Variants in SLC25A14 observed in about 807,000 individuals in gnomAD.
The protein encoded by SLC25A14 is brain mitochondrial carrier protein 1.
In SLC25A14, 8 loss-of-function variants were observed where a neutral mutation model predicts 28.1. That is an observed-to-expected ratio of 0.28 (90% CI 0.17 to 0.51). The LOEUF (loss-of-function observed/expected upper bound fraction) is 0.51, where lower values mean the gene tolerates loss of function less well. Ranked by LOEUF, SLC25A14 falls within the 20% of genes least tolerant of loss-of-function variation. The pLI, the probability that SLC25A14 is intolerant of heterozygous loss-of-function variation, is 0.97. For missense variants in SLC25A14, 135 were observed against 263.8 expected (o/e 0.51, Z 3.38); for synonymous variants, 74 against 90.6 (o/e 0.82, Z 1.04).
At position 130,349,247 on chromosome X, in the gene SLC25A14, TCAGA is replaced by T; in HGVS notation, c.318-3_318del. 1 of 1,155,680 alleles carries T rather than the reference TCAGA, an allele frequency of 8.7e-7. No homozygotes were observed. Among genetic ancestry groups the T allele is most frequent in the Admixed American group, 2.4e-5 (1 of 41,398 alleles). ...GAATAACTTTTTACTTTTTTTTTTT[TCAGA>T]ATTGCTCCTGCGTTGCTAAGACAAG... is the stretch of plus-strand genomic sequence containing the variant. On this transcript the variant is annotated splice_acceptor_variant and splice_polypyrimidine_tract_variant and coding_sequence_variant and intron_variant, in exon 5 of 11. Coordinates refer to ENST00000545805, the MANE Select transcript of SLC25A14 (RefSeq NM_001282195.2). LOFTEE classifies it high-confidence loss of function.
At chrX:130,345,872 C>G (rs1483503009) in intron 3 of SLC25A14, among the ~76,000 whole-genome samples, 2 of 110,889 alleles carry the variant, frequency 1.8e-5, no homozygotes, top group Non-Finnish European at 3.8e-5. Flanking sequence ...TAGTTTTACA[C>G]CCTGAAATAT....
At chrX:130,354,411 C>T (rs370737153) in intron 6 of SLC25A14, among the ~76,000 whole-genome samples, 1 of 112,336 alleles carries the variant, frequency 8.9e-6, no homozygotes, top group African/African-American at 3.2e-5. Context: ...CCGTGCCCGA[C>T]CGCCTTTTTC....
chrX:130,353,098 A>G (rs758514174), intron 6 of SLC25A14, among the ~76,000 whole-genome samples: 1 of 112,107 alleles, frequency 8.9e-6, no homozygotes, highest in African/African-American at 3.2e-5. Flanking sequence ...ATATGGTGAA[A>G]GGTAGGGGCC....
At chrX:130,357,374 T>C (rs1034040564) in intron 6 of SLC25A14, among the ~76,000 whole-genome samples, 1 of 111,539 alleles carries the variant, frequency 9.0e-6, no homozygotes, top group Non-Finnish European at 1.9e-5. Context: ...TTAAAAAATA[T>C]CATATTGAGA....
intron 6 of SLC25A14, 28 bp from the exon 7 acceptor site, chrX:130,358,612 A>G (rs2033865410): frequency 9.7e-7 from 1 of 1,033,338 alleles, no homozygotes; most frequent in Admixed American, 2.3e-5. Flanking sequence ...CTCTGACAAA[A>G]TAAGATGTTC....
At chrX:130,353,271 C>T (rs186692957) in intron 6 of SLC25A14, among the ~76,000 whole-genome samples, 251 of 111,854 alleles carry the variant, frequency 2.2e-3, no homozygotes, top group Non-Finnish European at 4.0e-3. Context: ...GACAACCCCA[C>T]CTCCTATGGC....
At chrX:130,342,100 T>C (rs1212799820) in intron 2 of SLC25A14, among the ~76,000 whole-genome samples, 1 of 112,572 alleles carries the variant, frequency 8.9e-6, no homozygotes, top group Non-Finnish European at 1.9e-5. Flanking sequence ...CTGTGAGATA[T>C]AGTATCTTCC....
intron 9 of SLC25A14, 111 bp downstream of exon 9, chrX:130,365,787 A>T: frequency 1.8e-6 from 1 of 561,913 alleles, no homozygotes; most frequent in Non-Finnish European, 2.8e-6. Flanking sequence ...AAAGAATCAT[A>T]TTTTTTTAGT....
chrX:130,361,377 G>C (rs1156649090), intron 7 of SLC25A14, among the ~76,000 whole-genome samples: 2 of 112,237 alleles, frequency 1.8e-5, no homozygotes, highest in African/African-American at 6.5e-5. Flanking sequence ...TATGATCCAG[G>C]CTACTTACAT....
intron 6 of SLC25A14, among the ~76,000 whole-genome samples, chrX:130,357,476 G>A (rs1196966588): frequency 8.9e-6 from 1 of 111,888 alleles, no homozygotes. Context: ...TAGCCCCTCT[G>A]TTGTCAGGAA....
chrX:130,359,632 CAG>C (rs1249862701), intron 7 of SLC25A14, among the ~76,000 whole-genome samples: 2 of 109,868 alleles, frequency 1.8e-5, no homozygotes, highest in Admixed American at 9.8e-5. Flanking sequence ...GTAGAATATA[CAG>C]AGAGAGTGGA....
intron 7 of SLC25A14, among the ~76,000 whole-genome samples, chrX:130,360,312 A>G (rs1022520609): frequency 1.8e-5 from 2 of 110,624 alleles, no homozygotes; most frequent in African/African-American, 3.3e-5. Context: ...TGGCTTGATT[A>G]GATTCATGTT....
At chrX:130,372,758 G>A in intron 10 of SLC25A14, 151 bp from the exon 11 acceptor site, 2 of 496,180 alleles carry the variant, frequency 4.0e-6, no homozygotes, top group Non-Finnish European at 7.1e-6. Context: ...CACCGCGCCC[G>A]GCTGTCAGGT....
At chrX:130,340,013 G>C in intron 1 of SLC25A14, 37 bp downstream of exon 1, 5 of 948,611 alleles carry the variant, frequency 5.3e-6, no homozygotes, top group Non-Finnish European at 2.6e-6. Flanking sequence ...GCTGGGGAGC[G>C]GGGCTGGGCC....
chrX:130,350,381 G>C (rs1397217113), intron 5 of SLC25A14, among the ~76,000 whole-genome samples: 3 of 111,756 alleles, frequency 2.7e-5, no homozygotes, highest in African/African-American at 9.7e-5. Context: ...GATACTGATA[G>C]TTATGTAGAA....
At chrX:130,365,796 G>C in intron 9 of SLC25A14, 120 bp downstream of exon 9, 1 of 533,450 alleles carries the variant, frequency 1.9e-6, no homozygotes, top group Non-Finnish European at 3.1e-6. Context: ...TATTTTTTTA[G>C]TAGCTTCTCA....
At chrX:130,340,042 C>A in intron 1 of SLC25A14, 65 bp from the exon 2 acceptor site, 1 of 1,000,260 alleles carries the variant, frequency 1.0e-6, no homozygotes, top group Non-Finnish European at 1.3e-6. Context: ...CCGCGCGGGG[C>A]CGGGCTGGCC....
intron 7 of SLC25A14, among the ~76,000 whole-genome samples, chrX:130,363,942 C>T (rs2034046754): frequency 9.0e-6 from 1 of 110,860 alleles, no homozygotes; most frequent in Non-Finnish European, 1.9e-5. Context: ...ACTGTATTGC[C>T]CAGGTTTGTC....
At chrX:130,364,150 G>A (rs761488992) in intron 7 of SLC25A14, among the ~76,000 whole-genome samples, 2 of 112,136 alleles carry the variant, frequency 1.8e-5, no homozygotes, top group Non-Finnish European at 3.8e-5. Flanking sequence ...CTTTTCGTGT[G>A]CTTATTGGCC....
Sources: allele counts gnomAD v4.1 joint callset (sites outside exome capture counted in the v4.1 genomes callset), GRCh38; gene constraint gnomAD v4.1.1; transcripts MANE v1.5; gene names NCBI Gene and HGNC (gene_info 2026-07-23, HGNC 2026-07-21).